The following RNF121 variants were observed in gnomAD, a reference collection of about 807,000 sequenced individuals.
RNF121 encodes E3 ubiquitin ligase RNF121.
A neutral mutation model predicts 46.5 loss-of-function variants in RNF121; 21 were observed. The observed-to-expected ratio is 0.45, with a 90% CI of 0.32 to 0.65. The LOEUF (loss-of-function observed/expected upper bound fraction) is 0.65, where lower values mean the gene tolerates loss of function less well. Ranked by LOEUF, RNF121 falls within the 30% of genes least tolerant of loss-of-function variation. The pLI is 0.04. For missense variants in RNF121, 346 were observed against 416.0 expected (o/e 0.83, Z 1.46); for synonymous variants, 139 against 144.7 (o/e 0.96, Z 0.28).
intron 1 of RNF121, among the ~76,000 whole-genome samples, chr11:71,931,503 G>C (rs948588809): frequency 1.3e-5 from 2 of 152,172 alleles, no homozygotes; most frequent in Admixed American, 6.5e-5. Flanking sequence ...CTCCCCAGCT[G>C]TTTCTTTGCA....
intron 7 of RNF121, 111 bp downstream of exon 7, chr11:71,994,963 G>A (rs914301160): frequency 7.0e-7 from 1 of 1,437,820 alleles, no homozygotes; most frequent in East Asian, 2.3e-5. Context: ...ACCCTTGAGT[G>A]TAGGAGAGCC....
intron 7 of RNF121, chr11:71,995,171 T>G (rs146517579): frequency 3.5e-6 from 2 of 567,812 alleles, no homozygotes; most frequent in Non-Finnish European, 6.3e-6. Flanking sequence ...TCCTCTGTTC[T>G]GAATAACACT....
At chr11:71,932,713 C>G (rs1953304226) in intron 1 of RNF121, among the ~76,000 whole-genome samples, 1 of 152,198 alleles carries the variant, frequency 6.6e-6, no homozygotes, top group Non-Finnish European at 1.5e-5. Flanking sequence ...TTTCCAGATT[C>G]CAGAGTGTTT....
At chr11:71,934,910 C>T (rs1392675607) in intron 1 of RNF121, among the ~76,000 whole-genome samples, 1 of 149,700 alleles carries the variant, frequency 6.7e-6, no homozygotes, top group Non-Finnish European at 1.5e-5. Flanking sequence ...TATTCTGTGC[C>T]TAGTCCTGTG....
intron 1 of RNF121, among the ~76,000 whole-genome samples, chr11:71,941,328 C>T (rs1436310627): frequency 1.3e-5 from 2 of 152,170 alleles, no homozygotes; most frequent in African/African-American, 4.8e-5. Context: ...TTATGTTTTG[C>T]CCTTTATTTC....
At chr11:71,963,231 A>T (rs1010607853) in intron 3 of RNF121, among the ~76,000 whole-genome samples, 1 of 152,142 alleles carries the variant, frequency 6.6e-6, no homozygotes, top group Non-Finnish European at 1.5e-5. Context: ...CAGTATATCT[A>T]TTTTTTAATT....
At chr11:71,965,938 TAGTGAAGTTG>T (rs1954266424) in intron 3 of RNF121, among the ~76,000 whole-genome samples, 1 of 152,266 alleles carries the variant, frequency 6.6e-6, no homozygotes, top group Non-Finnish European at 1.5e-5. Context: ...CTCTGATTAT[TAGTGAAGTTG>T]AGCATGTTTT....
In RNF121 at chr11:71,982,804, C is replaced by T; in HGVS notation, c.287C>T (p.Thr96Ile). 2 of 1,613,582 alleles carry T rather than the reference C, an allele frequency of 1.2e-6. No individual in the cohort carries two copies. The highest frequency in any genetic ancestry group is 1.7e-6 in the Non-Finnish European group (2 of 1,179,784). ...ATGTGGGTTGTTCCCCTCTATTTCA[C>T]AGTGAAGCTGCACTGGTGGAGGTTC... ...FQMWVVPLYFTVKLHWWRFLV... is the reference protein window; with the variant it reads ...FQMWVVPLYFIVKLHWWRFLV... The change falls in exon 4 of 9, where the codon ACA becomes ATA. Residue 96 changes from threonine to isoleucine, a missense_variant. Physicochemically the swap from Thr to Ile is moderately conservative, Grantham distance 89. Transcript: ENST00000361756.
At chr11:71,960,679 C>T in intron 2 of RNF121, 71 bp from the exon 3 acceptor site, 1 of 1,543,776 alleles carries the variant, frequency 6.5e-7, no homozygotes, top group Non-Finnish European at 8.8e-7. Flanking sequence ...GGTGGGATAT[C>T]CCTGGAAAGC....
chr11:71,973,509 G>A (rs1241262069), intron 3 of RNF121, among the ~76,000 whole-genome samples: 2 of 151,858 alleles, frequency 1.3e-5, no homozygotes, highest in African/African-American at 2.4e-5. Flanking sequence ...AAAACAGGCC[G>A]GGCGCGGTGG....
chr11:71,962,681 C>T (rs1406726262), intron 3 of RNF121, among the ~76,000 whole-genome samples: 1 of 152,140 alleles, frequency 6.6e-6, no homozygotes, highest in Non-Finnish European at 1.5e-5. Context: ...AACTTAAACT[C>T]ATATCTTTAG....
chr11:71,990,537 G>T lies in RNF121; in HGVS notation c.507-60G>T, dbSNP rs370815226. 4.3e-5 allele frequency: 69 copies of T among 1,591,398 alleles called. No individual in the cohort carries two copies. In the African/African-American group the frequency reaches 6.5e-4, roughly 15 times the overall value. The stretch of plus-strand genomic sequence containing the variant: ...GCCCTGCCTTGTGTGTCCCAGAGTA[G>T]TAATCCATAGAAGATATGTCTCAGG... On this transcript the variant is annotated intron_variant, in intron 5 of 8. Transcript: ENST00000361756.
chr11:71,929,940 A>G (rs79368633), intron 1 of RNF121, among the ~76,000 whole-genome samples: 4,349 of 152,246 alleles, frequency 0.029, 222 homozygotes, highest in African/African-American at 0.099. Context: ...ACGATAAATA[A>G]GTGTCTCTCT....
At chr11:71,950,032 C>A (rs1296849583) in intron 1 of RNF121, among the ~76,000 whole-genome samples, 1 of 151,516 alleles carries the variant, frequency 6.6e-6, no homozygotes, top group African/African-American at 2.4e-5. Context: ...CACACACACA[C>A]AAAACTCGCA....
chr11:71,970,756 A>T (rs1954404291), intron 3 of RNF121, among the ~76,000 whole-genome samples: 1 of 152,222 alleles, frequency 6.6e-6, no homozygotes, highest in African/African-American at 2.4e-5. Flanking sequence ...AATTTGAATA[A>T]TTTATTTTTT....
intron 3 of RNF121, among the ~76,000 whole-genome samples, chr11:71,966,129 C>T (rs866646822): frequency 1.3e-5 from 2 of 152,186 alleles, no homozygotes; most frequent in South Asian, 2.1e-4. Flanking sequence ...AAGTGATTCT[C>T]CTGCCTCAGC....
At chr11:71,973,782 T>G (rs935647169) in intron 3 of RNF121, among the ~76,000 whole-genome samples, 18 of 151,898 alleles carry the variant, frequency 1.2e-4, no homozygotes, top group Admixed American at 1.2e-3. Context: ...AGTGAAACTC[T>G]GTCTCAAAAA....
chr11:71,947,270 G>C (rs1211469093), intron 1 of RNF121, among the ~76,000 whole-genome samples: 1 of 152,106 alleles, frequency 6.6e-6, no homozygotes, highest in Non-Finnish European at 1.5e-5. Context: ...CACTTTGGGA[G>C]GCCAGCGCCG....
At chr11:71,954,793 G>A (rs1953954842) in intron 1 of RNF121, among the ~76,000 whole-genome samples, 1 of 152,036 alleles carries the variant, frequency 6.6e-6, no homozygotes. Context: ...TGATTTCCCT[G>A]GTGTCAAATG....
Sources: gnomAD v4.1 joint callset for allele counts (sites outside exome capture counted in the v4.1 genomes callset) on GRCh38, gnomAD v4.1.1 for gene constraint, MANE v1.5 for transcripts, NCBI Gene and HGNC (gene_info 2026-07-23, HGNC 2026-07-21) for gene names.